The following RHEX variants were observed in gnomAD, a reference collection of about 807,000 sequenced individuals.
RHEX encodes the protein regulator of hemoglobinization and erythroid cell expansion.
A neutral mutation model predicts 20.1 loss-of-function variants in RHEX; 18 were observed. The ratio of observed to expected loss-of-function variants is 0.90; its 90% CI spans 0.62 to 1.33. The LOEUF is 1.33. RHEX is among the 40% of genes most tolerant of loss of function. The pLI, the probability that RHEX is intolerant of heterozygous loss-of-function variation, is 0.00. For synonymous variants in RHEX, 87 were observed against 77.1 expected (o/e 1.13, Z -0.67); for missense variants, 192 against 214.3 (o/e 0.90, Z 0.65).
At chr1:206,099,624 C>G (rs372221613) in intron 3 of RHEX, 31 bp from the exon 4 acceptor site, 8 of 1,608,570 alleles carry the variant, frequency 5.0e-6, no homozygotes, top group Non-Finnish European at 6.8e-6. Flanking sequence ...TGGCCAGTTT[C>G]CACTTTTGAT....
intron 1 of RHEX, among the ~76,000 whole-genome samples, chr1:206,083,097 A>T (rs1232471754): frequency 6.6e-6 from 1 of 152,234 alleles, no homozygotes; most frequent in Non-Finnish European, 1.5e-5. Flanking sequence ...TTAATCTTTG[A>T]ATACATCACA....
intron 1 of RHEX, among the ~76,000 whole-genome samples, chr1:206,055,236 A>C (rs28865893): frequency 0.08 from 12,116 of 152,146 alleles, 1,553 homozygotes; most frequent in African/African-American, 0.26. Context: ...CACTAAGTTC[A>C]CTTCATGTCT....
chr1:206,059,093 G>A (rs1662256651), intron 1 of RHEX, among the ~76,000 whole-genome samples: 1 of 152,118 alleles, frequency 6.6e-6, no homozygotes, highest in East Asian at 1.9e-4. Context: ...CCCAGCTGGA[G>A]ACCCAAGTTC....
In RHEX at chr1:206,101,235, C is replaced by T. The variant is rs782583285; in HGVS notation, c.318+38C>T. The T allele has an allele frequency of 7.3e-6, 11 of 1,509,800 alleles. No homozygotes were observed. In the South Asian group the frequency reaches 1.3e-4, roughly 18 times the overall value. The allele number at this position is 1,509,800 out of a possible 1,614,324, so 93.5% of individuals were successfully genotyped here. A position where few individuals can be genotyped will look rare whatever the true frequency, so the allele number is the denominator to read the frequency against. ...CCTAGTGATCTCAGACGAACATATG[C>T]AGTCTGGGGATCCCTGCTGTAAAAC... On this transcript the variant is annotated intron_variant, in intron 5 of 5. Transcript: ENST00000331555.
intron 2 of RHEX, 93 bp downstream of exon 2, chr1:206,097,932 C>A: frequency 8.2e-7 from 1 of 1,214,678 alleles, no homozygotes; most frequent in Non-Finnish European, 1.2e-6. Context: ...TCCTGGCTGC[C>A]CCAGCCTTAT....
intron 3 of RHEX, chr1:206,098,465 C>T (rs566994163): frequency 1.1e-5 from 4 of 373,408 alleles, no homozygotes; most frequent in Non-Finnish European, 2.0e-5. Flanking sequence ...GCAATGCCTA[C>T]GAGGAAGTGC....
rs1663178157 is a variant in RHEX at position 206,101,148 on chromosome 1, C to T, written c.269C>T (p.Thr90Ile). 6.2e-7 allele frequency: 1 copy of T among 1,612,682 alleles called. No homozygotes were observed. The highest frequency in any genetic ancestry group is 8.5e-7 in the Non-Finnish European group (1 of 1,179,422). The change falls in exon 5 of 6, where the codon ACA becomes ATA. Residue 90 changes from threonine (T) to isoleucine (I), a missense_variant. Physicochemically the swap from Thr to Ile is moderately conservative, Grantham distance 89 (BLOSUM62 -1). Coordinates refer to ENST00000331555, the MANE Select transcript of RHEX (RefSeq NM_001007544.4). ...SDSLYRHDSD[T>I]PSDSLDSSCS... The stretch of plus-strand genomic sequence containing the variant: ...TATTTCTCCCCAGATGACAGCGACA[C>T]ACCCTCAGATAGCTTGGATAGCTCC...
chr1:206,097,979 C>T, intron 2 of RHEX, 102 bp from the exon 3 acceptor site: 1 of 1,175,580 alleles, frequency 8.5e-7, no homozygotes, highest in Admixed American at 1.7e-5. Flanking sequence ...CTGGGACACG[C>T]AGCAATGCCA....
chr1:206,065,853 A>C (rs1204496095), intron 1 of RHEX, among the ~76,000 whole-genome samples: 2 of 152,202 alleles, frequency 1.3e-5, no homozygotes, highest in African/African-American at 4.8e-5. Flanking sequence ...GACATTGCAC[A>C]GAAGGGGCGC....
intron 1 of RHEX, among the ~76,000 whole-genome samples, chr1:206,074,520 C>A (rs1427626263): frequency 6.6e-6 from 1 of 152,108 alleles, no homozygotes; most frequent in Non-Finnish European, 1.5e-5. Flanking sequence ...CACATTTCAC[C>A]AATTAAAAGT....
At chr1:206,098,438 G>A in intron 3 of RHEX, 1 of 441,508 alleles carries the variant, frequency 2.3e-6, no homozygotes, top group Non-Finnish European at 4.1e-6. Context: ...CAGACCTTCT[G>A]CCTAGACACA....
intron 1 of RHEX, among the ~76,000 whole-genome samples, chr1:206,063,392 C>CCCTCTG (rs1344804324): frequency 1.3e-5 from 2 of 151,910 alleles, no homozygotes; most frequent in African/African-American, 4.8e-5. Flanking sequence ...CTCTCCCTCT[C>CCCTCTG]CCCATGGTCT....
At chr1:206,060,638 G>A (rs1175854480) in intron 1 of RHEX, 1 of 152,492 alleles carries the variant, frequency 6.6e-6, no homozygotes, top group Non-Finnish European at 1.5e-5. Flanking sequence ...CTACATGGGT[G>A]AGGAGGCCCC....
intron 1 of RHEX, among the ~76,000 whole-genome samples, chr1:206,097,264 A>G (rs1271078608): frequency 6.6e-6 from 1 of 152,050 alleles, no homozygotes; most frequent in Non-Finnish European, 1.5e-5. Flanking sequence ...CCTCCTTACC[A>G]GCAACTAAGT....
At chr1:206,064,212 G>C (rs1163885119) in intron 1 of RHEX, among the ~76,000 whole-genome samples, 1 of 147,124 alleles carries the variant, frequency 6.8e-6, no homozygotes, top group Non-Finnish European at 1.5e-5. Flanking sequence ...CCCCGTCTGG[G>C]AAGTGAGGAG....
At chr1:206,065,069 T>G (rs1200588425) in intron 1 of RHEX, among the ~76,000 whole-genome samples, 1 of 152,092 alleles carries the variant, frequency 6.6e-6, no homozygotes, top group African/African-American at 2.4e-5. Context: ...AAACAGATGC[T>G]TGAAGGCAGC....
At chr1:206,076,751 G>GGTGT (rs1344985777) in intron 1 of RHEX, among the ~76,000 whole-genome samples, 3 of 152,158 alleles carry the variant, frequency 2.0e-5, no homozygotes, top group Non-Finnish European at 4.4e-5. Context: ...CAGAAGTGTG[G>GGTGT]GTGTGGAAGG....
At chr1:206,078,681 T>C (rs1270236812) in intron 1 of RHEX, among the ~76,000 whole-genome samples, 2 of 152,240 alleles carry the variant, frequency 1.3e-5, no homozygotes, top group African/African-American at 4.8e-5. Flanking sequence ...AGGTGGACAT[T>C]TTAATGCACC....
intron 1 of RHEX, among the ~76,000 whole-genome samples, chr1:206,094,168 T>G (rs1286153398): frequency 8.4e-6 from 1 of 119,414 alleles, no homozygotes; most frequent in African/African-American, 3.9e-5. Context: ...CCTGGTTATT[T>G]GGTGTGTGTG....
Sources: gnomAD v4.1 joint callset for allele counts (sites outside exome capture counted in the v4.1 genomes callset) on GRCh38, gnomAD v4.1.1 for gene constraint, MANE v1.5 for transcripts, NCBI Gene and HGNC (gene_info 2026-07-23, HGNC 2026-07-21) for gene names.